HDAC3: variants seen among roughly 807,000 people sequenced by gnomAD.
HDAC3 encodes the protein SMAP45.
Under a neutral mutation model 62.3 loss-of-function variants are expected in HDAC3, and 21 were observed. The ratio of observed to expected loss-of-function variants is 0.34; its 90% confidence interval spans 0.24 to 0.49. The LOEUF (loss-of-function observed/expected upper bound fraction) is 0.49. HDAC3 is among the 20% of genes least tolerant of loss of function. The pLI, the probability that HDAC3 is intolerant of heterozygous loss-of-function variation, is 0.99. For synonymous variants in HDAC3, 198 were observed against 206.5 expected, an observed-to-expected ratio of 0.96 and a Z score of 0.35; for missense variants, 270 against 556.9, an observed-to-expected ratio of 0.48 and a Z score of 5.19.
chr5:141,632,271 C>T (rs141681958), intron 3 of HDAC3, among the ~76,000 whole-genome samples: 419 of 152,344 alleles, frequency 2.8e-3, no homozygotes, highest in African/African-American at 9.5e-3. Flanking sequence ...GTGGTCCACC[C>T]GCCTCGGCCT....
At chr5:141,624,556 CAA>C (rs768572344) in intron 14 of HDAC3, among the ~76,000 whole-genome samples, 54 of 67,062 alleles carry the variant, frequency 8.1e-4, no homozygotes, top group South Asian at 5.1e-3. Context: ...GACCCTGTCT[CAA>C]AAAAAAAAAA....
intron 2 of HDAC3, among the ~76,000 whole-genome samples, chr5:141,635,486 C>A (rs2099905831): frequency 6.6e-6 from 1 of 152,234 alleles, no homozygotes. Flanking sequence ...GATATAGATT[C>A]CTGCACTAAC....
intron 14 of HDAC3, among the ~76,000 whole-genome samples, chr5:141,624,645 A>G (rs942977402): frequency 7.9e-5 from 12 of 152,008 alleles, no homozygotes; most frequent in Admixed American, 7.2e-4. Flanking sequence ...ACAAGAATGC[A>G]AAGATGTATA....
At position 141,625,905 on chromosome 5, in the gene HDAC3, G is replaced by T; in HGVS notation, c.979+108C>A. 1.5e-6 allele frequency: 2 copies of T among 1,291,436 alleles called. No homozygotes were observed. The highest frequency in any genetic ancestry group is 1.2e-5 in the South Asian group (1 of 84,388). The allele number at this position is 1,291,436 out of a possible 1,614,324, so 80.0% of individuals were successfully genotyped here. On this transcript the variant is annotated intron_variant, in intron 12 of 14. Transcript: ENST00000305264. The surrounding 1 kb of genome is among the most constrained non-coding windows in gnomAD (Gnocchi z 4.0). The stretch of plus-strand genomic sequence containing the variant: ...TGCTCTGAGCCCAGGGGTTTAGTCT[G>T]CAGAGCTCTGAGAGTGTAAAATTTC...
In HDAC3 at chr5:141,626,317, G is replaced by C. The variant is rs567068285; in HGVS notation, c.831-34C>G. 3 of 1,555,748 alleles carry C rather than the reference G, an allele frequency of 1.9e-6. No individual in the cohort carries two copies. The East Asian group carries it at 6.7e-5, about 35-fold the overall frequency. On this transcript the variant is annotated intron_variant, in intron 10 of 14. Coordinates refer to ENST00000305264, the MANE Select transcript of HDAC3 (RefSeq NM_003883.4). The surrounding 1 kb of genome is among the most constrained non-coding windows in gnomAD (Gnocchi z 4.6). Reference sequence around the variant, plus strand: ...AGGAACCAGAGGAAGATGTGGAGGAGGTTATCAAAAGACAAGGTAAATACC... The same window carrying C: ...AGGAACCAGAGGAAGATGTGGAGGACGTTATCAAAAGACAAGGTAAATACC...
At position 141,628,438 on chromosome 5, in the gene HDAC3, T is replaced by C. The variant is rs775793410; in HGVS notation, c.691+121A>G. ...ACAATTTCCAGAGATTCATGGTCCC[T>C]CTGAAGGCCATTCATCCTTAAGGAC... On this transcript the variant is annotated intron_variant, in intron 8 of 14. Transcript: ENST00000305264. This position sits in a 1 kb window ranked among gnomAD's most constrained non-coding sequence, Gnocchi z 4.7. The C allele has an allele frequency of 8.4e-5, 70 of 837,222 alleles. No homozygotes were observed. Among genetic ancestry groups the C allele is most frequent in the Non-Finnish European group, 1.2e-4 (62 of 496,186 alleles). 51.9% of individuals were successfully genotyped at this position (837,222 alleles called of 1,614,324 possible).
chr5:141,625,888 GCCCAGGGGTTT>G lies in HDAC3; in HGVS notation c.979+114_979+124del. 2.3e-6 allele frequency: 3 copies of G among 1,287,580 alleles called. No homozygotes were observed. Among genetic ancestry groups the G allele is most frequent in the Middle Eastern group, 1.8e-4 (1 of 5,414 alleles). The allele number at this position is 1,287,580 out of a possible 1,614,324, so 79.8% of individuals were successfully genotyped here. A position where few individuals can be genotyped will look rare whatever the true frequency, so the allele number is the denominator to read the frequency against. On this transcript the variant is annotated intron_variant, in intron 12 of 14. Transcript: ENST00000305264. This position sits in a 1 kb window ranked among gnomAD's most constrained non-coding sequence, Gnocchi z 4.0. Reference sequence around the variant, plus strand: ...CTGCCCAATCTCTTCCCTGCTCTGAGCCCAGGGGTTTAGTCTGCAGAGCTCTGAGAGTGTAA... The same window carrying G: ...CTGCCCAATCTCTTCCCTGCTCTGAGAGTCTGCAGAGCTCTGAGAGTGTAA...
In HDAC3 at chr5:141,629,956, C is replaced by T. The variant is rs775560040; in HGVS notation, c.364-40G>A. ...CCTAAGTCACAGTCCTTCCTGCCCA[C>T]CCCTCAAGCTGGGAGCCCAGGATCA... On this transcript the variant is annotated intron_variant, in intron 4 of 14. Coordinates refer to ENST00000305264, the MANE Select transcript of HDAC3 (RefSeq NM_003883.4). This position sits in a 1 kb window ranked among gnomAD's most constrained non-coding sequence, Gnocchi z 5.3. The T allele has an allele frequency of 5.6e-6, 9 of 1,613,398 alleles. No homozygotes were observed. The East Asian group carries it at 6.7e-5, about 12-fold the overall frequency.
At chr5:141,623,433 G>A (rs1037273623) in intron 14 of HDAC3, among the ~76,000 whole-genome samples, 4 of 152,160 alleles carry the variant, frequency 2.6e-5, no homozygotes, top group African/African-American at 9.7e-5. Context: ...TCTGCTGGCT[G>A]TGACAGGGCT....
chr5:141,633,984 C>A (rs1027403953), intron 3 of HDAC3, among the ~76,000 whole-genome samples: 1 of 152,144 alleles, frequency 6.6e-6, no homozygotes, highest in Admixed American at 6.5e-5. Context: ...AATTGAGCAA[C>A]TGGTAGCTGT....
In HDAC3 at chr5:141,629,135, G is replaced by A. The variant is rs1227123746; in HGVS notation, c.610+38C>T. ...AAGGAGGCACTCATAGTAAAGAGCT[G>A]AAGGGTGCAAAGGGGAAAGTAATCC... On this transcript the variant is annotated intron_variant, in intron 7 of 14. Transcript: ENST00000305264. This position sits in a 1 kb window ranked among gnomAD's most constrained non-coding sequence, Gnocchi z 5.3. 6.2e-7 allele frequency: 1 copy of A among 1,610,348 alleles called. No individual in the cohort carries two copies. The highest frequency in any genetic ancestry group is 1.7e-4 in the Middle Eastern group (1 of 6,052).
rs776754159 is a variant in HDAC3 at position 141,626,158 on chromosome 5, C to T, written c.920+36G>A. On this transcript the variant is annotated intron_variant, in intron 11 of 14. Coordinates refer to ENST00000305264, the MANE Select transcript of HDAC3 (RefSeq NM_003883.4). The surrounding 1 kb of genome is among the most constrained non-coding windows in gnomAD (Gnocchi z 4.6). ...TATCTGAGGGACACCCTAGCTCACA[C>T]TGGACAACAGGGGAGGAAATCAGGA... 1.2e-6 allele frequency: 2 copies of T among 1,610,040 alleles called. No homozygotes were observed. Among genetic ancestry groups the T allele is most frequent in the East Asian group, 4.5e-5 (2 of 44,870 alleles).
intron 2 of HDAC3, 103 bp downstream of exon 2, chr5:141,636,445 C>T (rs1289033229): frequency 3.0e-6 from 3 of 1,009,656 alleles, no homozygotes; most frequent in Admixed American, 1.9e-5. Context: ...CTCCCCGATA[C>T]TCTAGGGGCG....
rs1596440494 is a variant in HDAC3, at chr5:141,628,638, A to C, written c.612T>G (p.Gly204=). ...TCTCTGCCCCGACTTCATACATGTC[A>C]CCTGTAGGGAAGTGGGTGGTGGTAG... ...KYGNYFFPGT[G]DMYEVGAESG... The change falls in exon 8 of 15, where the codon GGT becomes GGG. Residue 204 remains glycine, a splice_region_variant and synonymous_variant. Transcript: ENST00000305264. This position sits in a 1 kb window ranked among gnomAD's most constrained non-coding sequence, Gnocchi z 4.7. 6.2e-7 allele frequency: 1 copy of C among 1,613,424 alleles called. No homozygotes were observed. The highest frequency in any genetic ancestry group is 1.3e-5 in the African/African-American group (1 of 74,866).
rs766355726 is a variant in HDAC3 at position 141,630,031 on chromosome 5, G to A, written c.363+13C>T. Reference sequence around the variant, plus strand: ...CCAGAGGAAAGGAAGAACAGGACTCGGGACTATGTCACCTTGTTGTTCAGC... The same window carrying A: ...CCAGAGGAAAGGAAGAACAGGACTCAGGACTATGTCACCTTGTTGTTCAGC... On this transcript the variant is annotated intron_variant, in intron 4 of 14. Coordinates refer to ENST00000305264, the MANE Select transcript of HDAC3 (RefSeq NM_003883.4). 8.1e-6 allele frequency: 13 copies of A among 1,614,030 alleles called. No homozygotes were observed. Among genetic ancestry groups the A allele is most frequent in the Admixed American group, 3.3e-5 (2 of 60,020 alleles).
chr5:141,632,940 G>A (rs1435931041), intron 3 of HDAC3, among the ~76,000 whole-genome samples: 1 of 152,168 alleles, frequency 6.6e-6, no homozygotes, highest in Non-Finnish European at 1.5e-5. Flanking sequence ...AAACAGATTA[G>A]TGGTTTAAAA....
chr5:141,621,599 CT>C, intron 14 of HDAC3, 62 bp from the exon 15 acceptor site: 1 of 1,442,758 alleles, frequency 6.9e-7, no homozygotes, highest in Non-Finnish European at 9.7e-7. Flanking sequence ...TCCCAGCACC[CT>C]TTTCCAAAGC....
In HDAC3 at chr5:141,636,557, C is replaced by T. The variant is rs1345038728; in HGVS notation, c.129G>A (p.Lys43=). 6.2e-7 allele frequency: 1 copy of T among 1,613,418 alleles called. No homozygotes were observed. Among genetic ancestry groups the T allele is most frequent in the Non-Finnish European group, 8.5e-7 (1 of 1,179,692 alleles). ...AGGCGGCGGAACTCACGATCATCTT[C>T]TTATAGAGACCGTAATGCAGGACCA... ...HSLVLHYGLY[K]KMIVFKPYQA... The change falls in exon 2 of 15, where the codon AAG becomes AAA. Residue 43 remains lysine (K), a synonymous_variant. Transcript: ENST00000305264.
rs2099904927 is a variant in HDAC3 at position 141,629,731 on chromosome 5, G to A, written c.429C>T (p.Gly143=). 6.2e-7 allele frequency: 1 copy of A among 1,614,020 alleles called. No homozygotes were observed. Among genetic ancestry groups the A allele is most frequent in the African/African-American group, 1.3e-5 (1 of 74,914 alleles). The change falls in exon 6 of 15, where the codon GGC becomes GGT. Residue 143 remains glycine (G), a synonymous_variant. Transcript: ENST00000305264. The surrounding 1 kb of genome is among the most constrained non-coding windows in gnomAD (Gnocchi z 5.3). The part of the protein sequence containing the change: ...LHHAKKFEAS[G]FCYVNDIVIG... ...TCACAATGTCGTTGACATAGCAGAAGCCAGAGGCCTATGGCAAGACAGTGG... is the reference window on the plus strand; with the variant it reads ...TCACAATGTCGTTGACATAGCAGAAACCAGAGGCCTATGGCAAGACAGTGG...
Sources: allele counts gnomAD v4.1 joint callset (sites outside exome capture counted in the v4.1 genomes callset), GRCh38; gene constraint gnomAD v4.1.1; non-coding constraint Gnocchi (gnomAD v3.1); transcripts MANE v1.5; gene names NCBI Gene and HGNC (gene_info 2026-07-23, HGNC 2026-07-21).